Variants in NBPF11 observed in about 807,000 individuals in gnomAD.
NBPF11 encodes NBPF family member NBPF11.
A neutral mutation model predicts 93.9 loss-of-function variants in NBPF11; 72 were observed. That is an observed-to-expected ratio of 0.77 (90% CI 0.63 to 0.93). The LOEUF is 0.93. Among genes scored for constraint, NBPF11 ranks in the 40% least tolerant of loss-of-function variants. The probability of loss-of-function intolerance (pLI) is 0.00; values close to 1 mark genes in which losing one functional copy is unlikely to be tolerated. For synonymous variants in NBPF11, 224 were observed against 304.9 expected (o/e 0.73, Z 2.76); for missense variants, 705 against 802.2 (o/e 0.88, Z 1.46).
Position 148,127,029 on chromosome 1 carries a change from G to A in NBPF11, c.-26C>T. The A allele has an allele frequency of 1.6e-6, 1 of 633,924 alleles. No homozygotes were observed. The highest frequency in any genetic ancestry group is 2.7e-6 in the Non-Finnish European group (1 of 365,168). 39.3% of individuals were successfully genotyped at this position (633,924 alleles called of 1,614,324 possible). On this transcript the variant is annotated 5_prime_UTR_variant, in exon 5 of 24. Transcript: ENST00000682118. ...GCTGACGTTTGTGGCAGAAGAGGTG[G>A]AGTCAGGGACTGGGGAGAAGAAACC...
In NBPF11 at chr1:148,126,886, C is replaced by T. The variant is rs1669251235; in HGVS notation, c.118G>A (p.Glu40Lys). 1.4e-6 allele frequency: 2 copies of T among 1,457,906 alleles called. No homozygotes were observed. The highest frequency in any genetic ancestry group is 1.9e-6 in the Non-Finnish European group (2 of 1,053,610). The allele number at this position is 1,457,906 out of a possible 1,614,324, so 90.3% of individuals were successfully genotyped here. A position where few individuals can be genotyped will look rare whatever the true frequency, so the allele number is the denominator to read the frequency against. The change falls in exon 5 of 24, where the codon GAG (glutamate) becomes AAG (lysine). Residue 40 changes from glutamate (E) to lysine (K), a missense_variant. By Grantham distance (56) the Glu-to-Lys change is moderately conservative (BLOSUM62 1). Around this residue, in one of 12 missense-constraint regions of NBPF11, gnomAD observed 128 missense variants for 112.8 expected, o/e 1.14. Coordinates refer to ENST00000682118, the MANE Select transcript of NBPF11 (RefSeq NM_001385469.3). ...GCCAGTTGAGTTAGAAAACATCTCT[C>T]TTTGAGGTTTCTGAACTGCTGTTTG... ...ENKQQFRNLK[E>K]RCFLTQLAGF...
At chr1:148,106,827 G>C (rs1663759140) in intron 20 of NBPF11, 115 bp downstream of exon 20, 5 of 775,426 alleles carry the variant, frequency 6.4e-6, no homozygotes, top group African/African-American at 3.7e-5. Context: ...GCACCCATAG[G>C]TCCTGCCTGT....
At chr1:148,116,887 T>C (rs1666690312) in intron 12 of NBPF11, among the ~76,000 whole-genome samples, 1 of 152,180 alleles carries the variant, frequency 6.6e-6, no homozygotes. Flanking sequence ...AGTTTGCATT[T>C]CAAACCTAAT....
rs1195275236 is a variant in NBPF11 at position 148,117,277 on chromosome 1, T to C, written c.1306+295A>G. On this transcript the variant is annotated intron_variant, in intron 12 of 23. Coordinates refer to ENST00000682118, the MANE Select transcript of NBPF11 (RefSeq NM_001385469.3). ...TCTTAGTCCAGAGCTCTTTTCACTC[T>C]AACAAGCCTGCTCCCATCGCAGCCT... 8.7e-5 allele frequency among the ~76,000 whole-genome samples: 13 copies of C among 148,844 alleles called. No homozygotes were observed. In the East Asian group the frequency reaches 1.6e-3, roughly 19 times the overall value.
chr1:148,121,090 G>A (rs1667716049), intron 9 of NBPF11, among the ~76,000 whole-genome samples: 1 of 151,660 alleles, frequency 6.6e-6, no homozygotes, highest in African/African-American at 2.4e-5. Context: ...TGTCGCGCAG[G>A]CTGCAGTGCA....
Position 148,103,735 on chromosome 1 carries a change from C to A in NBPF11, c.*161G>T. ...GACTTCTCACCGTCAAAGTAAAAAA[C>A]CTATTGTCCATGTCAAGGGCAAAGC... On this transcript the variant is annotated 3_prime_UTR_variant, in exon 24 of 24. Coordinates refer to ENST00000682118, the MANE Select transcript of NBPF11 (RefSeq NM_001385469.3). The A allele has an allele frequency of 6.2e-7, 1 of 1,610,618 alleles. No individual in the cohort carries two copies. Among genetic ancestry groups the A allele is most frequent in the Non-Finnish European group, 8.5e-7 (1 of 1,178,728 alleles).
At chr1:148,110,921 A>C (rs1263302357) in intron 15 of NBPF11, among the ~76,000 whole-genome samples, 1 of 151,866 alleles carries the variant, frequency 6.6e-6, no homozygotes, top group Admixed American at 6.6e-5. Context: ...CAGTGCAGAC[A>C]CAGATCTTGT....
chr1:148,115,164 CAAAAAAAAAAAAAAAAAAA>C (rs57869119), intron 14 of NBPF11, among the ~76,000 whole-genome samples: 42 of 12,146 alleles, frequency 3.5e-3, no homozygotes, highest in Non-Finnish European at 4.1e-3. Flanking sequence ...GACTCCATCA[CAAAAAAAAAAAAAAAAAAA>C]AAAAAAAAAA....
rs1383154934 is a variant in NBPF11, at chr1:148,102,594, G to A, written c.*1302C>T. Reference sequence around the variant, plus strand: ...GCAGTGTTCCCGTCAAAAAGTTTAGGCTGAATTTAATTATGAAGACATTTT... The same window carrying A: ...GCAGTGTTCCCGTCAAAAAGTTTAGACTGAATTTAATTATGAAGACATTTT... On this transcript the variant is annotated 3_prime_UTR_variant, in exon 24 of 24. Coordinates refer to ENST00000682118, the MANE Select transcript of NBPF11 (RefSeq NM_001385469.3). The A allele has an allele frequency of 1.4e-4, 21 of 150,934 alleles. No homozygotes were observed. The highest frequency in any genetic ancestry group is 4.9e-4 in the African/African-American group (20 of 40,418). The allele number at this position is 150,934 out of a possible 1,614,324, so 9.3% of individuals were successfully genotyped here. A position where few individuals can be genotyped will look rare whatever the true frequency, so the allele number is the denominator to read the frequency against.
chr1:148,141,155 G>A (rs1403656839), intron 2 of NBPF11, among the ~76,000 whole-genome samples: 8 of 150,484 alleles, frequency 5.3e-5, no homozygotes, highest in African/African-American at 1.8e-4. Flanking sequence ...GAGAGGAGGA[G>A]GCATGAAATG....
rs1377600164 is a variant in NBPF11, at chr1:148,149,420, G to A, written c.-549+2330C>T. 3.2e-6 allele frequency: 5 copies of A among 1,581,064 alleles called. No homozygotes were observed. In the African/African-American group the frequency reaches 4.1e-5, roughly 13 times the overall value. ...GGACGAGGTGATCGACTTCTCGCACGGGCTGGCGCTCTACGAGCGCTGCCC... is the reference window on the plus strand; with the variant it reads ...GGACGAGGTGATCGACTTCTCGCACAGGCTGGCGCTCTACGAGCGCTGCCC... On this transcript the variant is annotated intron_variant, in intron 1 of 23. Transcript: ENST00000682118.
At chr1:148,119,340 T>C (rs1263061194) in intron 10 of NBPF11, among the ~76,000 whole-genome samples, 12 of 152,006 alleles carry the variant, frequency 7.9e-5, no homozygotes, top group South Asian at 4.2e-4. Flanking sequence ...AACTAATAGA[T>C]AGTGTTTACT....
intron 1 of NBPF11, chr1:148,149,602 C>A: frequency 6.3e-7 from 1 of 1,581,644 alleles, no homozygotes; most frequent in Non-Finnish European, 8.6e-7. Flanking sequence ...AGCAATAAGG[C>A]GGCCCCCGGA....
intron 9 of NBPF11, among the ~76,000 whole-genome samples, chr1:148,121,364 T>C (rs1273060032): frequency 2.1e-5 from 3 of 145,704 alleles, no homozygotes; most frequent in Non-Finnish European, 4.5e-5. Flanking sequence ...TTTTTTTTTT[T>C]TGAGATGCAG....
Position 148,122,414 on chromosome 1 carries a change from C to T in NBPF11, c.567-148G>A, listed in dbSNP as rs1390617585. The T allele has an allele frequency of 2.2e-6, 3 of 1,385,338 alleles. No individual in the cohort carries two copies. The East Asian group carries it at 6.9e-5, about 32-fold the overall frequency. 85.8% of individuals were successfully genotyped at this position (1,385,338 alleles called of 1,614,324 possible). A position where few individuals can be genotyped will look rare whatever the true frequency, so the allele number is the denominator to read the frequency against. On this transcript the variant is annotated intron_variant, in intron 8 of 23. Coordinates refer to ENST00000682118, the MANE Select transcript of NBPF11 (RefSeq NM_001385469.3). ...TCCCTTTAAGAGGGAACAGGCAATC[C>T]TCTTCTCTCTGCAACAGAGCTTCGC...
intron 7 of NBPF11, 98 bp from the exon 8 acceptor site, chr1:148,122,899 T>G: frequency 1.2e-6 from 2 of 1,601,244 alleles, no homozygotes; most frequent in Non-Finnish European, 1.7e-6. Flanking sequence ...TATGTATGGT[T>G]CAGCATTGTA....
At chr1:148,139,454 G>T (rs1671856617) in intron 2 of NBPF11, among the ~76,000 whole-genome samples, 2 of 148,994 alleles carry the variant, frequency 1.3e-5, no homozygotes, top group South Asian at 4.2e-4. Flanking sequence ...TGGGGACCAG[G>T]GATTAGGAAA....
chr1:148,126,775 G>A (rs1447490883), intron 5 of NBPF11, 54 bp downstream of exon 5: 5 of 1,580,166 alleles, frequency 3.2e-6, no homozygotes, highest in Non-Finnish European at 4.3e-6. Context: ...GATGGAGAGA[G>A]CATTTAGTGT....
Position 148,102,424 on chromosome 1 carries a change from A to G in NBPF11, c.*1472T>C, listed in dbSNP as rs1369466423. The G allele has an allele frequency of 4.9e-4, 74 of 151,984 alleles. No homozygotes were observed. The East Asian group carries it at 9.3e-3, about 19-fold the overall frequency. 9.4% of individuals were successfully genotyped at this position (151,984 alleles called of 1,614,324 possible). On this transcript the variant is annotated 3_prime_UTR_variant, in exon 24 of 24. Transcript: ENST00000682118. Reference sequence around the variant, plus strand: ...AAACCACTTTCCCAAGTACTTCATTATAAGTAAGGTGTCTCTAAAAGGGAC... The same window carrying G: ...AAACCACTTTCCCAAGTACTTCATTGTAAGTAAGGTGTCTCTAAAAGGGAC...
Sources: allele counts gnomAD v4.1 joint callset (sites outside exome capture counted in the v4.1 genomes callset), GRCh38; gene constraint gnomAD v4.1.1; regional missense constraint gnomAD v4.1.1; transcripts MANE v1.5; gene names NCBI Gene and HGNC (gene_info 2026-07-23, HGNC 2026-07-21).